PCSK2: variants seen among roughly 807,000 people sequenced by gnomAD.
PCSK2 encodes the protein proprotein convertase subtilisin/kexin type 2.
Under a neutral mutation model 69.7 loss-of-function variants are expected in PCSK2, and 14 were observed. The ratio of observed to expected loss-of-function variants is 0.20; its 90% CI spans 0.13 to 0.31. PCSK2 has a LOEUF of 0.31. Ranked by LOEUF, PCSK2 falls within the 10% of genes least tolerant of loss-of-function variation. The pLI, the probability that PCSK2 is intolerant of heterozygous loss-of-function variation, is 1.00. For missense variants in PCSK2, 544 were observed against 842.5 expected (o/e 0.65, Z 4.39); for synonymous variants, 307 against 320.7 (o/e 0.96, Z 0.46).
intron 2 of PCSK2, among the ~76,000 whole-genome samples, chr20:17,295,170 G>C (rs999967811): frequency 1.1e-4 from 17 of 151,648 alleles, no homozygotes; most frequent in African/African-American, 4.1e-4. Flanking sequence ...AATCTTCCCT[G>C]CATTTTCAGT....
chr20:17,420,687 T>C (rs187345783), intron 6 of PCSK2, among the ~76,000 whole-genome samples: 2 of 152,344 alleles, frequency 1.3e-5, no homozygotes, highest in African/African-American at 2.4e-5. Context: ...GATTTTATGG[T>C]ACTCAGACGG....
At chr20:17,230,072 T>G (rs1600392687) in intron 1 of PCSK2, among the ~76,000 whole-genome samples, 1 of 152,336 alleles carries the variant, frequency 6.6e-6, no homozygotes, top group East Asian at 1.9e-4. Context: ...CTTGTCTGTA[T>G]TTATTATCCC....
rs1443850048 is a variant in PCSK2, at chr20:17,348,046, GAAAGGAAAGAAAGAAA to G, written c.283-10280_283-10265del. Among the ~76,000 whole-genome samples the G allele has an allele frequency of 1.8e-3, 78 of 43,578 alleles. 1 individual carries two copies. The highest frequency in any genetic ancestry group is 8.1e-3 in the South Asian group (7 of 862). 28.6% of individuals were successfully genotyped at this position (43,578 alleles called of 152,430 possible). On this transcript the variant is annotated intron_variant, in intron 2 of 11. Transcript: ENST00000262545. ...GAGAAAGAAAGAAGAAAGAAAGAAA[GAAAGGAAAGAAAGAAA>G]GAAAGAAAGAAAGAAAGAAAGAAAG...
chr20:17,311,386 T>A (rs974091658), intron 2 of PCSK2, among the ~76,000 whole-genome samples: 1 of 152,178 alleles, frequency 6.6e-6, no homozygotes, highest in Non-Finnish European at 1.5e-5. Context: ...TATATTTCTT[T>A]AAAAATTTAG....
intron 2 of PCSK2, among the ~76,000 whole-genome samples, chr20:17,278,398 T>G (rs1389917916): frequency 1.3e-5 from 2 of 152,116 alleles, no homozygotes; most frequent in African/African-American, 4.8e-5. Flanking sequence ...CCATAAAAAA[T>G]GATGAGTTCA....
intron 2 of PCSK2, among the ~76,000 whole-genome samples, chr20:17,329,312 A>G (rs1990150030): frequency 6.6e-6 from 1 of 152,160 alleles, no homozygotes; most frequent in African/African-American, 2.4e-5. Flanking sequence ...GTGTTCTACC[A>G]CTAAAAAGAG....
intron 6 of PCSK2, among the ~76,000 whole-genome samples, 173 bp from the exon 7 acceptor site, chr20:17,429,262 C>G (rs16999181): frequency 0.081 from 12,280 of 152,132 alleles, 563 homozygotes; most frequent in Middle Eastern, 0.22. Context: ...TTGCTCAGCA[C>G]TTTAAGTCTT....
At chr20:17,430,531 T>A (rs2032342510) in intron 7 of PCSK2, among the ~76,000 whole-genome samples, 1 of 152,228 alleles carries the variant, frequency 6.6e-6, no homozygotes, top group Non-Finnish European at 1.5e-5. Flanking sequence ...TTTTCAACAC[T>A]GTTTGCTAAG....
chr20:17,383,053 C>A (rs2031132208), intron 5 of PCSK2, among the ~76,000 whole-genome samples: 2 of 152,120 alleles, frequency 1.3e-5, no homozygotes, highest in Admixed American at 6.5e-5. Context: ...AGGATGAGGC[C>A]ACGGGGATCT....
At chr20:17,335,342 A>G (rs938129758) in intron 2 of PCSK2, among the ~76,000 whole-genome samples, 23 of 152,154 alleles carry the variant, frequency 1.5e-4, no homozygotes, top group African/African-American at 5.3e-4. Flanking sequence ...ACTTCTTTAC[A>G]GGCTGACTGG....
At chr20:17,450,229 T>C (rs944068556) in intron 8 of PCSK2, among the ~76,000 whole-genome samples, 2 of 151,604 alleles carry the variant, frequency 1.3e-5, no homozygotes, top group South Asian at 2.1e-4. Context: ...GGGGTTTCAC[T>C]GTGTTAGCCA....
At chr20:17,364,750 AG>A (rs34114848) in intron 4 of PCSK2, among the ~76,000 whole-genome samples, 33,757 of 151,916 alleles carry the variant, frequency 0.22, 3,884 homozygotes, top group Middle Eastern at 0.3. Flanking sequence ...TTGTGGCACA[AG>A]AATCTGGGAA....
upstream of PCSK2, among the ~76,000 whole-genome samples, chr20:17,226,681 T>G (rs1305835911): frequency 1.3e-5 from 2 of 151,616 alleles, no homozygotes; most frequent in East Asian, 3.9e-4. Flanking sequence ...CCACAAACAA[T>G]GACATCACTC....
intron 8 of PCSK2, among the ~76,000 whole-genome samples, chr20:17,445,288 C>T (rs998566795): frequency 1.3e-5 from 2 of 152,226 alleles, no homozygotes; most frequent in Admixed American, 6.5e-5. Context: ...CGTCTTTCCA[C>T]AACTTGAGGA....
At chr20:17,412,891 A>G (rs1244593241) in intron 6 of PCSK2, among the ~76,000 whole-genome samples, 1 of 152,228 alleles carries the variant, frequency 6.6e-6, no homozygotes, top group Non-Finnish European at 1.5e-5. Context: ...ATTCTTAAAG[A>G]AAAGAATTTT....
intron 11 of PCSK2, among the ~76,000 whole-genome samples, chr20:17,476,168 G>A (rs1460234915): frequency 6.6e-6 from 1 of 152,134 alleles, no homozygotes; most frequent in Non-Finnish European, 1.5e-5. Context: ...AAACAAAGCT[G>A]CAGTTTCCCC....
At chr20:17,418,608 A>T (rs897234208) in intron 6 of PCSK2, among the ~76,000 whole-genome samples, 1 of 152,224 alleles carries the variant, frequency 6.6e-6, no homozygotes, top group Non-Finnish European at 1.5e-5. Flanking sequence ...GATGAGGCTC[A>T]TTCTCTCATT....
At chr20:17,245,044 C>G (rs1453064851) in intron 1 of PCSK2, among the ~76,000 whole-genome samples, 1 of 152,112 alleles carries the variant, frequency 6.6e-6, no homozygotes, top group Non-Finnish European at 1.5e-5. Flanking sequence ...TCCTTGCTCT[C>G]TAGGCACCCA....
intron 2 of PCSK2, among the ~76,000 whole-genome samples, chr20:17,317,958 A>G (rs962722212): frequency 5.3e-5 from 8 of 152,234 alleles, no homozygotes; most frequent in Non-Finnish European, 1.0e-4. Context: ...ATAAATCAGA[A>G]TAGAAAAAAG....
Sources: allele counts gnomAD v4.1 joint callset (sites outside exome capture counted in the v4.1 genomes callset), GRCh38; gene constraint gnomAD v4.1.1; transcripts MANE v1.5; gene names NCBI Gene and HGNC (gene_info 2026-07-23, HGNC 2026-07-21).